Variants in TAFA4 observed in about 807,000 individuals in gnomAD.
TAFA4 encodes the protein chemokine-like protein TAFA-4.
In TAFA4, 20 loss-of-function variants were observed where a neutral mutation model predicts 21.1. The ratio of observed to expected loss-of-function variants is 0.95; its 90% CI spans 0.67 to 1.38. The LOEUF is 1.38. Among genes scored for constraint, TAFA4 ranks in the 40% most tolerant of loss-of-function variants. The probability of loss-of-function intolerance (pLI) is 0.00; values close to 1 mark genes in which losing one functional copy is unlikely to be tolerated. For synonymous variants in TAFA4, 71 were observed against 67.4 expected (o/e 1.05, Z -0.26); for missense variants, 211 against 180.9 (o/e 1.17, Z -0.95).
intron 3 of TAFA4, among the ~76,000 whole-genome samples, chr3:68,798,762 C>T (rs2106823938): frequency 6.6e-6 from 1 of 152,172 alleles, no homozygotes; most frequent in East Asian, 1.9e-4. Flanking sequence ...ACTTGTAAAA[C>T]TGTTTTTTAC....
At chr3:68,783,344 A>T (rs1167817017) in intron 3 of TAFA4, among the ~76,000 whole-genome samples, 3 of 152,234 alleles carry the variant, frequency 2.0e-5, no homozygotes, top group Non-Finnish European at 4.4e-5. Flanking sequence ...TTACATGGTC[A>T]TTCATGTAGA....
chr3:68,848,923 GA>G (rs1704875540), intron 3 of TAFA4, among the ~76,000 whole-genome samples: 1 of 130,040 alleles, frequency 7.7e-6, no homozygotes, highest in Non-Finnish European at 1.7e-5. Flanking sequence ...TCACCAAGGA[GA>G]ATGCTAACTT....
chr3:68,891,851 A>G (rs1030702055), intron 1 of TAFA4, among the ~76,000 whole-genome samples: 1 of 152,196 alleles, frequency 6.6e-6, no homozygotes, highest in Non-Finnish European at 1.5e-5. Flanking sequence ...AAATGAGGTA[A>G]TATGTTTCCA....
chr3:68,740,086 A>G (rs1702322763), intron 4 of TAFA4, among the ~76,000 whole-genome samples: 1 of 152,130 alleles, frequency 6.6e-6, no homozygotes, highest in South Asian at 2.1e-4. Flanking sequence ...TGACTGTGCC[A>G]TTGTCTAGAT....
intron 3 of TAFA4, among the ~76,000 whole-genome samples, chr3:68,811,871 G>A (rs1283924884): frequency 6.6e-6 from 1 of 152,070 alleles, no homozygotes; most frequent in African/African-American, 2.4e-5. Flanking sequence ...ACACACAATT[G>A]TCAGATTCAC....
Position 68,841,206 on chromosome 3 carries a change from C to T in TAFA4, c.130+39524G>A, listed in dbSNP as rs1045674152. Reference sequence around the variant, plus strand: ...GGCGTAGTGGCGCGCGCCTGTAGTCCCAGCTACTTGGGAGGCTGAGGCAGG... The same window carrying T: ...GGCGTAGTGGCGCGCGCCTGTAGTCTCAGCTACTTGGGAGGCTGAGGCAGG... On this transcript the variant is annotated intron_variant, in intron 3 of 5. Coordinates refer to ENST00000295569, the MANE Select transcript of TAFA4 (RefSeq NM_182522.5). Among the ~76,000 whole-genome samples the T allele has an allele frequency of 5.6e-5, 7 of 124,618 alleles. 1 individual carries two copies. The highest frequency in any genetic ancestry group is 2.0e-4 in the African/African-American group (7 of 34,592). 81.8% of individuals were successfully genotyped at this position (124,618 alleles called of 152,430 possible). A position where few individuals can be genotyped will look rare whatever the true frequency, so the allele number is the denominator to read the frequency against.
At chr3:68,839,211 C>A (rs1232423247) in intron 3 of TAFA4, among the ~76,000 whole-genome samples, 2 of 152,048 alleles carry the variant, frequency 1.3e-5, no homozygotes, top group African/African-American at 4.8e-5. Flanking sequence ...TTGTGTCCTA[C>A]AAAGGAAAAT....
intron 1 of TAFA4, among the ~76,000 whole-genome samples, chr3:68,925,585 A>G (rs113307908): frequency 0.011 from 1,692 of 152,332 alleles, 31 homozygotes; most frequent in African/African-American, 0.039. Flanking sequence ...TTACTGACAT[A>G]TGAAACTTGA....
At chr3:68,773,866 A>C (rs1703002882) in intron 3 of TAFA4, among the ~76,000 whole-genome samples, 1 of 152,190 alleles carries the variant, frequency 6.6e-6, no homozygotes. Context: ...TGTGCGATGA[A>C]AACAGCAATA....
chr3:68,926,077 C>A (rs1045898915), intron 1 of TAFA4, among the ~76,000 whole-genome samples: 1 of 151,986 alleles, frequency 6.6e-6, no homozygotes, highest in Non-Finnish European at 1.5e-5. Context: ...ACTAAAAATA[C>A]AAAAATTAGC....
At chr3:68,825,158 A>G (rs1704199732) in intron 3 of TAFA4, among the ~76,000 whole-genome samples, 2 of 152,016 alleles carry the variant, frequency 1.3e-5, no homozygotes, top group African/African-American at 4.8e-5. Flanking sequence ...CCAGCATGTG[A>G]TGATCACCTC....
chr3:68,868,388 A>G (rs2089443714), intron 3 of TAFA4, among the ~76,000 whole-genome samples: 1 of 151,944 alleles, frequency 6.6e-6, no homozygotes, highest in Non-Finnish European at 1.5e-5. Flanking sequence ...GTTAAACTAC[A>G]CTCTAGACAA....
At position 68,815,971 on chromosome 3, in the gene TAFA4, G is replaced by A. The variant is rs539674096; in HGVS notation, c.131-62953C>T. On this transcript the variant is annotated intron_variant, in intron 3 of 5. Transcript: ENST00000295569. The stretch of plus-strand genomic sequence containing the variant: ...AAAATGTGGCACATATACACCATGG[G>A]ACACTATGCAGCCATAAAAAAGGAT... Among the ~76,000 whole-genome samples the A allele has an allele frequency of 6.2e-3, 950 of 152,186 alleles. 9 individuals are homozygous for A. Among genetic ancestry groups the A allele is most frequent in the African/African-American group, 0.022 (916 of 41,538 alleles).
At chr3:68,812,588 A>G (rs1703867691) in intron 3 of TAFA4, among the ~76,000 whole-genome samples, 1 of 152,236 alleles carries the variant, frequency 6.6e-6, no homozygotes, top group Admixed American at 6.5e-5. Flanking sequence ...AGGCCATTAC[A>G]TAATGGTAAA....
At chr3:68,768,078 C>A (rs915293669) in intron 3 of TAFA4, among the ~76,000 whole-genome samples, 2 of 151,854 alleles carry the variant, frequency 1.3e-5, no homozygotes, top group African/African-American at 4.8e-5. Context: ...ATATAAGATC[C>A]CCAAAGCACA....
At chr3:68,850,556 G>A (rs971306205) in intron 3 of TAFA4, among the ~76,000 whole-genome samples, 6 of 152,068 alleles carry the variant, frequency 3.9e-5, no homozygotes, top group South Asian at 2.1e-4. Context: ...ACCGGCATCC[G>A]TTTCTTTACT....
rs549701062 is a variant in TAFA4 at position 68,850,788 on chromosome 3, T to C, written c.130+29942A>G. Among the ~76,000 whole-genome samples, 153 of 152,238 alleles carry C rather than the reference T, an allele frequency of 1.0e-3. 1 individual carries two copies. Among genetic ancestry groups the C allele is most frequent in the Admixed American group, 2.0e-3 (31 of 15,288 alleles). On this transcript the variant is annotated intron_variant, in intron 3 of 5. Transcript: ENST00000295569. The stretch of plus-strand genomic sequence containing the variant: ...TTGTAGATTCTGGGTATCAGACCTT[T>C]GACAGATGGACAGACTGCAAAAATT...
intron 3 of TAFA4, among the ~76,000 whole-genome samples, chr3:68,803,600 G>A (rs998797115): frequency 6.6e-5 from 10 of 151,440 alleles, no homozygotes; most frequent in African/African-American, 1.7e-4. Flanking sequence ...GTTGATTCTC[G>A]TTCTCTAACC....
chr3:68,838,219 T>A (rs1305687416), intron 3 of TAFA4, among the ~76,000 whole-genome samples: 1 of 152,218 alleles, frequency 6.6e-6, no homozygotes, highest in Admixed American at 6.5e-5. Flanking sequence ...TCTATTGAAC[T>A]CATTCTTCCT....
Sources: gnomAD v4.1 joint callset for allele counts (sites outside exome capture counted in the v4.1 genomes callset) on GRCh38, gnomAD v4.1.1 for gene constraint, MANE v1.5 for transcripts, NCBI Gene and HGNC (gene_info 2026-07-23, HGNC 2026-07-21) for gene names.